Variants in KIF1A observed in about 807,000 individuals in gnomAD.
KIF1A encodes kinesin family member 1A.
KIF1A carries 46 observed loss-of-function variants against 227.3 expected under a neutral mutation model. The ratio of observed to expected loss-of-function variants is 0.20; its 90% CI spans 0.16 to 0.26. The LOEUF (loss-of-function observed/expected upper bound fraction) is 0.26, where lower values mean the gene tolerates loss of function less well. KIF1A is among the 10% of genes least tolerant of loss of function. The probability of loss-of-function intolerance (pLI) is 1.00; values close to 1 mark genes in which losing one functional copy is unlikely to be tolerated. For missense variants in KIF1A, 1,683 were observed against 2,485.9 expected (o/e 0.68, Z 6.87); for synonymous variants, 1,022 against 1,012.8 (o/e 1.01, Z -0.17).
chr2:240,756,675 T>C (rs1249771288), intron 27 of KIF1A, among the ~76,000 whole-genome samples: 1 of 152,184 alleles, frequency 6.6e-6, no homozygotes, highest in East Asian at 1.9e-4. Flanking sequence ...GGCCCCATCA[T>C]TTCAGAGGGA....
chr2:240,748,480 G>A (rs2048855430), intron 28 of KIF1A, among the ~76,000 whole-genome samples: 1 of 152,142 alleles, frequency 6.6e-6, no homozygotes, highest in South Asian at 2.1e-4. Context: ...GTCAGGGTGG[G>A]GGCCAGTGGG....
chr2:240,740,855 C>A lies in KIF1A; in HGVS notation c.3749+414G>T, dbSNP rs2047875459. ...AGCTGCCCCCAGGGCACCAGGCAGA[C>A]CCCCACTGGCCTCCACCCTGGGGCC... is the stretch of plus-strand genomic sequence containing the variant. On this transcript the variant is annotated intron_variant, in intron 35 of 48. Coordinates refer to ENST00000498729, the MANE Select transcript of KIF1A (RefSeq NM_001244008.2). This position sits in a 1 kb window ranked among gnomAD's most constrained non-coding sequence, Gnocchi z 6.1. Among the ~76,000 whole-genome samples the A allele has an allele frequency of 6.6e-6, 1 of 152,062 alleles. No homozygotes were observed. The highest frequency in any genetic ancestry group is 2.1e-4 in the South Asian group (1 of 4,810).
In KIF1A at chr2:240,767,364, A is replaced by C. The variant is rs1174886999; in HGVS notation, c.1498-19T>G. On this transcript the variant is annotated intron_variant, in intron 17 of 48. Transcript: ENST00000498729. ...GTGGTGTCTGCAGGGAGACAGGAGG[A>C]TCATCTCTCTTGCAGAGGGGCAGGA... 6.2e-7 allele frequency: 1 copy of C among 1,605,314 alleles called. No individual in the cohort carries two copies. The highest frequency in any genetic ancestry group is 8.5e-7 in the Non-Finnish European group (1 of 1,172,802).
At chr2:240,724,938 G>A (rs910593014) in intron 40 of KIF1A, 6 of 139,302 alleles carry the variant, frequency 4.3e-5, no homozygotes, top group South Asian at 2.3e-4. Context: ...CGGCGGCGGG[G>A]GGGGGGGGGG....
intron 7 of KIF1A, 73 bp downstream of exon 7, chr2:240,784,916 G>T (rs934113447): frequency 2.4e-6 from 3 of 1,240,272 alleles, no homozygotes; most frequent in Non-Finnish European, 2.4e-6. Flanking sequence ...GCCCCCACTG[G>T]CCTGACCACC....
chr2:240,724,759 T>C (rs1529664), intron 40 of KIF1A: 7,055 of 161,324 alleles, frequency 0.044, 485 homozygotes, highest in African/African-American at 0.16. Flanking sequence ...GGTGTGTGGC[T>C]CCCCAAGGTG....
intron 1 of KIF1A, among the ~76,000 whole-genome samples, chr2:240,801,681 G>A (rs542805962): frequency 6.6e-6 from 1 of 152,118 alleles, no homozygotes; most frequent in South Asian, 2.1e-4. Context: ...TGAGGGTGGG[G>A]CCTCACAAAT....
intron 11 of KIF1A, among the ~76,000 whole-genome samples, chr2:240,774,501 G>A (rs1005819134): frequency 5.4e-5 from 8 of 148,506 alleles, no homozygotes; most frequent in African/African-American, 2.0e-4. Context: ...TCTTTTACTT[G>A]TGTTTTTCTC....
chr2:240,774,305 C>A (rs748212058), intron 11 of KIF1A, 44 bp from the exon 12 acceptor site: 2 of 1,351,410 alleles, frequency 1.5e-6, no homozygotes, highest in South Asian at 2.4e-5. Context: ...GGATCTAGGC[C>A]CCAGGGCTAT....
At chr2:240,747,653 T>A (rs7595606) in intron 28 of KIF1A, among the ~76,000 whole-genome samples, 80 of 152,120 alleles carry the variant, frequency 5.3e-4, no homozygotes, top group Non-Finnish European at 1.6e-4. Flanking sequence ...CCCATCCCCA[T>A]GTGCAGAGAC....
Position 240,740,001 on chromosome 2 carries a change from G to T in KIF1A, c.3901+57C>A. 7.2e-7 allele frequency: 1 copy of T among 1,392,604 alleles called. No homozygotes were observed. Among genetic ancestry groups the T allele is most frequent in the Non-Finnish European group, 1.0e-6 (1 of 1,002,176 alleles). The allele number at this position is 1,392,604 out of a possible 1,614,324, so 86.3% of individuals were successfully genotyped here. ...AACCCGGGTATCCAGCTCAGGGCCT[G>T]TACTCTTCCCACCAGCTCAGCCCCA... On this transcript the variant is annotated intron_variant, in intron 37 of 48. Transcript: ENST00000498729. The surrounding 1 kb of genome is among the most constrained non-coding windows in gnomAD (Gnocchi z 6.1).
Position 240,725,590 on chromosome 2 carries a change from T to A in KIF1A, c.4123-186A>T. 1 of 617,822 alleles carries A rather than the reference T, an allele frequency of 1.6e-6. No individual in the cohort carries two copies. Among genetic ancestry groups the A allele is most frequent in the Non-Finnish European group, 2.8e-6 (1 of 361,208 alleles). 38.3% of individuals were successfully genotyped at this position (617,822 alleles called of 1,614,324 possible). A position where few individuals can be genotyped will look rare whatever the true frequency, so the allele number is the denominator to read the frequency against. ...GCTCCTGCCCTCGAGAAAACCCCACTGGGGACAGGTAGCCACAGCTCTGTC... is the reference window on the plus strand; with the variant it reads ...GCTCCTGCCCTCGAGAAAACCCCACAGGGGACAGGTAGCCACAGCTCTGTC... On this transcript the variant is annotated intron_variant, in intron 39 of 48. Coordinates refer to ENST00000498729, the MANE Select transcript of KIF1A (RefSeq NM_001244008.2). The surrounding 1 kb of genome is among the most constrained non-coding windows in gnomAD (Gnocchi z 5.8).
chr2:240,783,863 G>A (rs769356803), intron 7 of KIF1A, 47 bp from the exon 8 acceptor site: 77 of 1,420,988 alleles, frequency 5.4e-5, no homozygotes, highest in Non-Finnish European at 6.8e-5. Context: ...CAAGATGCGC[G>A]GGGGCATCCC....
chr2:240,732,451 G>A (rs1468604384), intron 38 of KIF1A, among the ~76,000 whole-genome samples: 1 of 146,728 alleles, frequency 6.8e-6, no homozygotes, highest in African/African-American at 2.5e-5. Context: ...GGAATGCAGG[G>A]ACGAGGAGGT....
chr2:240,797,134 T>C (rs913759988), intron 2 of KIF1A, among the ~76,000 whole-genome samples: 3 of 152,182 alleles, frequency 2.0e-5, no homozygotes, highest in Non-Finnish European at 2.9e-5. Flanking sequence ...AACTGAGAGA[T>C]GACAATTGGT....
chr2:240,786,954 G>A (rs1456412737), intron 5 of KIF1A, among the ~76,000 whole-genome samples: 1 of 152,112 alleles, frequency 6.6e-6, no homozygotes, highest in Non-Finnish European at 1.5e-5. Flanking sequence ...ACATGCCAGG[G>A]CCACCCCAGC....
intron 15 of KIF1A, 118 bp from the exon 16 acceptor site, chr2:240,769,824 G>A (rs551652527): frequency 1.7e-5 from 13 of 743,764 alleles, no homozygotes; most frequent in African/African-American, 8.7e-5. Context: ...TCCTGGGCCC[G>A]ACAAGGCAAC....
At chr2:240,769,545 A>G in intron 16 of KIF1A, 82 bp downstream of exon 16, 1 of 1,160,754 alleles carries the variant, frequency 8.6e-7, no homozygotes, top group South Asian at 1.4e-5. Context: ...ACTGGAGGGC[A>G]GGGCTCAGTG....
rs1024594527 is a variant in KIF1A, at chr2:240,716,999, T to A, written c.*365A>T. The A allele has an allele frequency of 4.1e-6, 1 of 245,840 alleles. No individual in the cohort carries two copies. The highest frequency in any genetic ancestry group is 2.2e-5 in the African/African-American group (1 of 45,178). 15.2% of individuals were successfully genotyped at this position (245,840 alleles called of 1,614,324 possible). A position where few individuals can be genotyped will look rare whatever the true frequency, so the allele number is the denominator to read the frequency against. ...TTATAAATAGAACAAGTCTTATAGT[T>A]AATTTCCGAGTTGACTGTTTCAATG... On this transcript the variant is annotated 3_prime_UTR_variant, in exon 49 of 49. Coordinates refer to ENST00000498729, the MANE Select transcript of KIF1A (RefSeq NM_001244008.2).
Sources: allele counts gnomAD v4.1 joint callset (sites outside exome capture counted in the v4.1 genomes callset), GRCh38; gene constraint gnomAD v4.1.1; non-coding constraint Gnocchi (gnomAD v3.1); transcripts MANE v1.5; gene names NCBI Gene and HGNC (gene_info 2026-07-23, HGNC 2026-07-21).